The following SLC39A10 variants were observed in gnomAD, a reference collection of about 807,000 sequenced individuals.
The protein encoded by SLC39A10 is solute carrier family 39 member 10.
In SLC39A10, 13 loss-of-function variants were observed where a neutral mutation model predicts 65.1. The observed-to-expected ratio is 0.20, with a 90% CI of 0.13 to 0.32. The LOEUF is 0.32. Among genes scored for constraint, SLC39A10 ranks in the 10% least tolerant of loss-of-function variants. The pLI is 1.00. For synonymous variants in SLC39A10, 321 were observed against 342.2 expected (o/e 0.94, Z 0.68); for missense variants, 831 against 1,018.4 (o/e 0.82, Z 2.50).
intron 2 of SLC39A10, among the ~76,000 whole-genome samples, chr2:195,625,246 G>GGAAGGAAGGA: frequency 6.8e-6 from 1 of 148,146 alleles, no homozygotes; most frequent in African/African-American, 2.5e-5. Flanking sequence ...AAGAAAGAAA[G>GGAAGGAAGGA]ATTTAAAACT....
chr2:195,668,688 TTTG>T (rs761363701), intron 1 of SLC39A10, among the ~76,000 whole-genome samples: 21 of 152,280 alleles, frequency 1.4e-4, no homozygotes, highest in South Asian at 2.1e-4. Context: ...AAAAGAGGTT[TTTG>T]TTGTTGTTGT....
intron 3 of SLC39A10, among the ~76,000 whole-genome samples, chr2:195,704,319 G>C (rs1015363061): frequency 6.6e-6 from 1 of 152,116 alleles, no homozygotes; most frequent in Non-Finnish European, 1.5e-5. Flanking sequence ...AAATATATTT[G>C]TAAAGGGAAA....
intron 1 of SLC39A10, among the ~76,000 whole-genome samples, chr2:195,667,992 A>G (rs1222943052): frequency 6.6e-6 from 1 of 152,242 alleles, no homozygotes; most frequent in African/African-American, 2.4e-5. Flanking sequence ...GTCCCACTTT[A>G]TAAGTAGTAA....
At chr2:195,706,815 T>C (rs1255343583) in intron 4 of SLC39A10, 30 bp downstream of exon 4, 1 of 1,419,868 alleles carries the variant, frequency 7.0e-7, no homozygotes. Flanking sequence ...TTTTTAAAAA[T>C]TTAAAATAAA....
chr2:195,613,373 T>C (rs1688140151), intron 2 of SLC39A10, among the ~76,000 whole-genome samples: 1 of 152,246 alleles, frequency 6.6e-6, no homozygotes, highest in African/African-American at 2.4e-5. Flanking sequence ...GTTACTATGC[T>C]TGTGCATGTC....
intron 3 of SLC39A10, among the ~76,000 whole-genome samples, chr2:195,691,890 CT>C (rs1378721415): frequency 6.6e-6 from 1 of 152,150 alleles, no homozygotes; most frequent in Non-Finnish European, 1.5e-5. Flanking sequence ...ATCTGTTTAT[CT>C]TTGTTTTTAT....
At chr2:195,628,971 C>G (rs973158504) in intron 2 of SLC39A10, among the ~76,000 whole-genome samples, 9 of 152,312 alleles carry the variant, frequency 5.9e-5, no homozygotes, top group Admixed American at 4.6e-4. Context: ...ATATCTCAAA[C>G]TTGAAATATC....
At chr2:195,666,425 G>A (rs1025607818) in intron 1 of SLC39A10, among the ~76,000 whole-genome samples, 1 of 152,158 alleles carries the variant, frequency 6.6e-6, no homozygotes, top group Non-Finnish European at 1.5e-5. Flanking sequence ...AAAGATTTGA[G>A]GTAGTGCAGC....
rs1313065775 is a variant in SLC39A10, at chr2:195,721,045, G to C, written c.2146+2713G>C. 4.6e-5 allele frequency among the ~76,000 whole-genome samples: 7 copies of C among 152,192 alleles called. No homozygotes were observed. The East Asian group carries it at 1.4e-3, about 29-fold the overall frequency. On this transcript the variant is annotated intron_variant, in intron 8 of 9. Transcript: ENST00000359634. ...CAGCCTTGACCTCCTGGGTTCAAATGATCCTTCTACCTCAGCCTCCTGAGT... is the reference window on the plus strand; with the variant it reads ...CAGCCTTGACCTCCTGGGTTCAAATCATCCTTCTACCTCAGCCTCCTGAGT...
chr2:195,657,455 G>C, intron 1 of SLC39A10, 174 bp downstream of exon 1: 2 of 985,940 alleles, frequency 2.0e-6, no homozygotes, highest in Non-Finnish European at 2.4e-6. Flanking sequence ...TGCTGCAGTC[G>C]GCGGCGGCCA....
intron 2 of SLC39A10, among the ~76,000 whole-genome samples, chr2:195,618,473 T>A (rs1688276093): frequency 6.6e-6 from 1 of 151,562 alleles, no homozygotes; most frequent in African/African-American, 2.4e-5. Flanking sequence ...GTAAATGAAG[T>A]GTTGGGGAAA....
chr2:195,737,414 G>A lies in SLC39A10; in HGVS notation c.*2373G>A, dbSNP rs920554015. 1 of 157,404 alleles carries A rather than the reference G, an allele frequency of 6.4e-6. No homozygotes were observed. Among genetic ancestry groups the A allele is most frequent in the African/African-American group, 2.4e-5 (1 of 41,432 alleles). 9.8% of individuals were successfully genotyped at this position (157,404 alleles called of 1,614,324 possible). A position where few individuals can be genotyped will look rare whatever the true frequency, so the allele number is the denominator to read the frequency against. ...TGCATTCAATCAATCAGCTGTGATTGATTGATTATGCTTAGAAATACTATA... is the reference window on the plus strand; with the variant it reads ...TGCATTCAATCAATCAGCTGTGATTAATTGATTATGCTTAGAAATACTATA... On this transcript the variant is annotated 3_prime_UTR_variant, in exon 10 of 10. Coordinates refer to ENST00000359634, the MANE Select transcript of SLC39A10 (RefSeq NM_020342.3).
rs3049426 is a variant in SLC39A10, at chr2:195,737,030, A to AAAAT, written c.*1994_*1997dup. ...ATAGCTGGAATATACTCCCAGTTTT[A>AAAAT]AAATAAATGCCTGATTGATTTAAAG... On this transcript the variant is annotated 3_prime_UTR_variant, in exon 10 of 10. Coordinates refer to ENST00000359634, the MANE Select transcript of SLC39A10 (RefSeq NM_020342.3). 81,969 of 152,046 alleles carry AAAAT rather than the reference A, an allele frequency of 0.54. 22,831 individuals carry two copies. The highest frequency in any genetic ancestry group is 0.62 in the Non-Finnish European group (42,279 of 67,810). 9.4% of individuals were successfully genotyped at this position (152,046 alleles called of 1,614,324 possible).
In SLC39A10 at chr2:195,709,801, GAT is replaced by G. The variant is rs372392518; in HGVS notation, c.1575+960_1575+961del. ...AATTGACTTAAATAGGATGGCAAAAGATATTTTCTAATTAAGTTTATTATAAA... is the reference window on the plus strand; with the variant it reads ...AATTGACTTAAATAGGATGGCAAAAGATTTTCTAATTAAGTTTATTATAAA... On this transcript the variant is annotated intron_variant, in intron 5 of 9. Coordinates refer to ENST00000359634, the MANE Select transcript of SLC39A10 (RefSeq NM_020342.3). Among the ~76,000 whole-genome samples the G allele has an allele frequency of 5.8e-3, 877 of 152,284 alleles. 8 individuals carry two copies. Among genetic ancestry groups the G allele is most frequent in the African/African-American group, 0.02 (846 of 41,564 alleles).
At chr2:195,635,334 G>A (rs1688676199) in intron 2 of SLC39A10, among the ~76,000 whole-genome samples, 1 of 152,326 alleles carries the variant, frequency 6.6e-6, no homozygotes, top group Non-Finnish European at 1.5e-5. Flanking sequence ...TAATTGGTAA[G>A]TAAAATGGAA....
In SLC39A10 at chr2:195,735,393, C is replaced by T. The variant is rs1440950837; in HGVS notation, c.*352C>T. 1 of 162,136 alleles carries T rather than the reference C, an allele frequency of 6.2e-6. No homozygotes were observed. The highest frequency in any genetic ancestry group is 1.3e-5 in the Non-Finnish European group (1 of 74,750). 10.0% of individuals were successfully genotyped at this position (162,136 alleles called of 1,614,324 possible). ...AAATAGAGATCGAACCAAAAAAAAT[C>T]ATTTAAACTTTAAAAATATTTTAAA... On this transcript the variant is annotated 3_prime_UTR_variant, in exon 10 of 10. Coordinates refer to ENST00000359634, the MANE Select transcript of SLC39A10 (RefSeq NM_020342.3).
chr2:195,679,075 T>C (rs937094983), intron 1 of SLC39A10, among the ~76,000 whole-genome samples: 3 of 152,216 alleles, frequency 2.0e-5, no homozygotes, highest in African/African-American at 4.8e-5. Flanking sequence ...AATTAAAACA[T>C]AGTCAGGGTG....
At chr2:195,633,810 T>C (rs1346499008) in intron 2 of SLC39A10, among the ~76,000 whole-genome samples, 1 of 151,898 alleles carries the variant, frequency 6.6e-6, no homozygotes, top group Non-Finnish European at 1.5e-5. Context: ...CTTCTCCTCT[T>C]GATGTTTAGC....
At position 195,680,507 on chromosome 2, in the gene SLC39A10, A is replaced by C. The variant is rs769758742; in HGVS notation, c.465A>C (p.Pro155=). ...VSTKRNHKCD[P]EKETVEVSVK... The stretch of plus-strand genomic sequence containing the variant: ...CAAAAAGAAACCATAAATGTGATCC[A>C]GAGAAAGAGACAGTTGAAGTGTCTG... Residue 155 remains proline (P), a synonymous_variant, in exon 2 of 10, where the codon CCA becomes CCC. Transcript: ENST00000359634. 5.6e-6 allele frequency: 9 copies of C among 1,614,120 alleles called. No individual in the cohort carries two copies. Among genetic ancestry groups the C allele is most frequent in the Non-Finnish European group, 7.6e-6 (9 of 1,180,054 alleles).
Sources: allele counts gnomAD v4.1 joint callset (sites outside exome capture counted in the v4.1 genomes callset), GRCh38; gene constraint gnomAD v4.1.1; transcripts MANE v1.5; gene names NCBI Gene and HGNC (gene_info 2026-07-23, HGNC 2026-07-21).